SLC38A8: variants seen among roughly 807,000 people sequenced by gnomAD.
The protein encoded by SLC38A8 is amino acid transporter SLC38A8.
A neutral mutation model predicts 46.0 loss-of-function variants in SLC38A8; 65 were observed. The ratio of observed to expected loss-of-function variants is 1.41; its 90% CI spans 1.16 to 1.74. The LOEUF is 1.74. Ranked by LOEUF, SLC38A8 falls within the 40% of genes most tolerant of loss-of-function variation. The probability of loss-of-function intolerance (pLI) is 0.00; values close to 1 mark genes in which losing one functional copy is unlikely to be tolerated. For missense variants in SLC38A8, 998 were observed against 567.9 expected, an observed-to-expected ratio of 1.76 and a Z score of -7.70; for synonymous variants, 447 against 243.7, an observed-to-expected ratio of 1.83 and a Z score of -7.77.
chr16:84,020,482 C>T (rs536203570), intron 7 of SLC38A8, among the ~76,000 whole-genome samples: 1 of 152,302 alleles, frequency 6.6e-6, no homozygotes, highest in East Asian at 1.9e-4. Context: ...GTGGAGGCTG[C>T]CAAGCTTCTG....
At chr16:84,021,479 T>A (rs1481640289) in intron 7 of SLC38A8, among the ~76,000 whole-genome samples, 1 of 152,222 alleles carries the variant, frequency 6.6e-6, no homozygotes, top group African/African-American at 2.4e-5. Flanking sequence ...TCCAAAACCT[T>A]GTTCCTCAGT....
At chr16:84,035,758 A>G (rs916165633) in intron 3 of SLC38A8, among the ~76,000 whole-genome samples, 4 of 152,266 alleles carry the variant, frequency 2.6e-5, no homozygotes, top group African/African-American at 9.6e-5. Context: ...ACTTCATAAT[A>G]AAAGGATATA....
chr16:84,015,432 A>C (rs1402980096), intron 9 of SLC38A8, among the ~76,000 whole-genome samples: 1 of 152,090 alleles, frequency 6.6e-6, no homozygotes, highest in Non-Finnish European at 1.5e-5. Context: ...AGACATTTGC[A>C]GGGTGCCTTG....
intron 3 of SLC38A8, among the ~76,000 whole-genome samples, chr16:84,033,729 G>A (rs375691387): frequency 1.3e-5 from 2 of 152,284 alleles, no homozygotes; most frequent in African/African-American, 2.4e-5. Context: ...AAGATGAGGC[G>A]ATGACCAGAC....
intron 9 of SLC38A8, 98 bp from the exon 10 acceptor site, chr16:84,013,150 A>T: frequency 1.1e-5 from 16 of 1,405,744 alleles, no homozygotes; most frequent in Non-Finnish European, 1.5e-5. Flanking sequence ...GAGGCCAGCA[A>T]GGCCTCCGCC....
At chr16:84,032,176 TGTTGTTGTTTTGTTG>T (rs1567700872) in intron 4 of SLC38A8, among the ~76,000 whole-genome samples, 13 of 85,198 alleles carry the variant, frequency 1.5e-4, no homozygotes, top group Non-Finnish European at 3.4e-4. Flanking sequence ...AGAGTTTTGT[TGTTGTTGTTTTGTTG>T]TTGTTGTTGT....
intron 10 of SLC38A8, among the ~76,000 whole-genome samples, chr16:84,010,652 C>G (rs1045643083): frequency 6.6e-6 from 1 of 152,092 alleles, no homozygotes; most frequent in Non-Finnish European, 1.5e-5. Context: ...GAGGCTGAGG[C>G]AGAATTGCTT....
intron 10 of SLC38A8, among the ~76,000 whole-genome samples, chr16:84,011,392 G>C (rs1364471734): frequency 1.3e-5 from 2 of 152,214 alleles, no homozygotes; most frequent in East Asian, 3.8e-4. Context: ...ACCCAAGGCA[G>C]GTTTAGAAAC....
intron 5 of SLC38A8, among the ~76,000 whole-genome samples, chr16:84,030,854 C>T (rs1476680085): frequency 1.3e-5 from 2 of 150,056 alleles, no homozygotes; most frequent in Non-Finnish European, 3.0e-5. Context: ...GGTCGCACAC[C>T]CACGAGCCAG....
chr16:84,016,625 G>A lies in SLC38A8; in HGVS notation c.1056C>T (p.Ile352=). The A allele has an allele frequency of 1.2e-6, 2 of 1,613,930 alleles. No individual in the cohort carries two copies. Among genetic ancestry groups the A allele is most frequent in the Non-Finnish European group, 1.7e-6 (2 of 1,180,036 alleles). ...SGLWVRMPLT[I]LWVTVTLAMA... is the part of the protein sequence containing the mutation. ...TGGCGAGCGTCACGGTGACCCACAGGATGGTCAGCGGCATCCGGACCCACA... is the reference window on the plus strand; with the variant it reads ...TGGCGAGCGTCACGGTGACCCACAGAATGGTCAGCGGCATCCGGACCCACA... The change falls in exon 9 of 11, where the codon ATC becomes ATT. Residue 352 remains isoleucine, a synonymous_variant. Transcript: ENST00000299709.
At chr16:84,041,403 C>G (rs9928090) in intron 2 of SLC38A8, 21,678 of 153,022 alleles carry the variant, frequency 0.14, 2,756 homozygotes, top group African/African-American at 0.34. Context: ...ACCTCCGCCT[C>G]CCAGGTTCAA....
rs539350242 is a variant in SLC38A8 at position 84,013,013 on chromosome 16, C to T, written c.1202G>A (p.Gly401Glu). 5.6e-6 allele frequency: 9 copies of T among 1,614,048 alleles called. No individual in the cohort carries two copies. In the African/African-American group the frequency reaches 6.7e-5, roughly 12 times the overall value. ...LICAMGVEPI[G>E]PRVKCCLEVW... is the part of the protein sequence containing the mutation. The stretch of plus-strand genomic sequence containing the variant: ...TAGGGACACTTACTTGACTCTTGGT[C>T]CTATAGGCTCGACACCCATTGCACA... The change falls in exon 10 of 11, where the codon GGA becomes GAA. Residue 401 changes from glycine to glutamate, a missense_variant. By Grantham distance (98) the Gly-to-Glu change is moderately conservative. Transcript: ENST00000299709.
intron 2 of SLC38A8, among the ~76,000 whole-genome samples, chr16:84,039,455 G>A (rs1482415035): frequency 6.6e-6 from 1 of 152,104 alleles, no homozygotes; most frequent in African/African-American, 2.4e-5. Context: ...GTGGTTGAAA[G>A]GCAGGGGGGC....
chr16:84,031,715 G>C, intron 5 of SLC38A8, 152 bp downstream of exon 5: 1 of 672,210 alleles, frequency 1.5e-6, no homozygotes, highest in Non-Finnish European at 2.5e-6. Flanking sequence ...GCCCTCCCTT[G>C]CCTTCACCGC....
chr16:84,018,802 G>C (rs981464108), intron 7 of SLC38A8, among the ~76,000 whole-genome samples: 4 of 152,168 alleles, frequency 2.6e-5, no homozygotes, highest in Non-Finnish European at 5.9e-5. Flanking sequence ...AATCTGACAA[G>C]GAATGACAAG....
chr16:84,016,887 G>A (rs919667418), intron 8 of SLC38A8, 160 bp from the exon 9 acceptor site: 2 of 1,022,194 alleles, frequency 2.0e-6, no homozygotes, highest in Non-Finnish European at 2.8e-6. Flanking sequence ...ACCCTCAGGG[G>A]TTCTGCCACC....
chr16:84,041,761 T>C (rs13339646), intron 2 of SLC38A8, among the ~76,000 whole-genome samples: 32,247 of 152,126 alleles, frequency 0.21, 4,290 homozygotes, highest in African/African-American at 0.37. Context: ...GTGTATCAGA[T>C]GCCACCAGCG....
intron 10 of SLC38A8, 149 bp downstream of exon 10, chr16:84,012,852 G>A (rs2084970258): frequency 5.6e-6 from 5 of 889,274 alleles, no homozygotes; most frequent in African/African-American, 5.0e-5. Flanking sequence ...CCCTCATACT[G>A]GGTAGACAGA....
At chr16:84,023,264 T>G (rs1385506697) in intron 6 of SLC38A8, among the ~76,000 whole-genome samples, 1 of 152,042 alleles carries the variant, frequency 6.6e-6, no homozygotes, top group Non-Finnish European at 1.5e-5. Flanking sequence ...TGAGGCTAGT[T>G]TAGATTGTGC....
Sources: gnomAD v4.1 joint callset for allele counts (sites outside exome capture counted in the v4.1 genomes callset) on GRCh38, gnomAD v4.1.1 for gene constraint, MANE v1.5 for transcripts, NCBI Gene and HGNC (gene_info 2026-07-23, HGNC 2026-07-21) for gene names.